Variants in TBC1D9 observed in about 807,000 individuals in gnomAD.
The protein encoded by TBC1D9 is TBC1 domain family member 9A.
In TBC1D9, 63 loss-of-function variants were observed where a neutral mutation model predicts 132.0. That is an observed-to-expected ratio of 0.48 (90% CI 0.39 to 0.59). TBC1D9 has a LOEUF of 0.59. TBC1D9 is among the 20% of genes least tolerant of loss of function. TBC1D9 has a pLI of 0.00. For synonymous variants in TBC1D9, 610 were observed against 609.9 expected (o/e 1.00, Z 0.00); for missense variants, 1,261 against 1,592.7 (o/e 0.79, Z 3.54).
intron 11 of TBC1D9, among the ~76,000 whole-genome samples, chr4:140,658,365 C>T (rs1204172936): frequency 1.3e-5 from 2 of 152,090 alleles, no homozygotes; most frequent in East Asian, 3.9e-4. Context: ...GCAACTATAA[C>T]ATAATGGTAA....
intron 15 of TBC1D9, among the ~76,000 whole-genome samples, chr4:140,638,516 AAAAAGAAAAAAG>A (rs1298012064): frequency 1.3e-5 from 2 of 151,750 alleles, no homozygotes; most frequent in Non-Finnish European, 2.9e-5. Context: ...AAAGAAAAAA[AAAAAGAAAAAAG>A]AAAAATATAA....
At chr4:140,733,833 A>C (rs1312150414) in intron 1 of TBC1D9, among the ~76,000 whole-genome samples, 4 of 152,192 alleles carry the variant, frequency 2.6e-5, no homozygotes, top group Admixed American at 1.3e-4. Flanking sequence ...ACCTAGATTC[A>C]AAAAAACAAA....
chr4:140,711,386 C>T (rs1738241559), intron 1 of TBC1D9, among the ~76,000 whole-genome samples: 2 of 152,294 alleles, frequency 1.3e-5, no homozygotes, highest in African/African-American at 4.8e-5. Flanking sequence ...TGAAGCCCAC[C>T]TCTGTTTCTA....
At chr4:140,686,621 CA>C (rs778375060) in intron 2 of TBC1D9, among the ~76,000 whole-genome samples, 159 bp from the exon 3 acceptor site, 18 of 152,134 alleles carry the variant, frequency 1.2e-4, no homozygotes, top group Non-Finnish European at 2.2e-4. Flanking sequence ...GACACACACA[CA>C]AGACATTTAA....
intron 1 of TBC1D9, among the ~76,000 whole-genome samples, chr4:140,749,801 A>G (rs1421825151): frequency 1.3e-5 from 2 of 152,212 alleles, no homozygotes; most frequent in African/African-American, 2.4e-5. Flanking sequence ...TAAAAATACT[A>G]ACCAAATAAA....
chr4:140,712,858 G>A (rs189788742), intron 1 of TBC1D9, among the ~76,000 whole-genome samples: 2 of 151,992 alleles, frequency 1.3e-5, no homozygotes, highest in East Asian at 1.9e-4. Context: ...ACTGAGGGTC[G>A]GGCTGCTATT....
intron 10 of TBC1D9, among the ~76,000 whole-genome samples, chr4:140,660,960 G>T (rs564027408): frequency 6.6e-6 from 1 of 151,946 alleles, no homozygotes; most frequent in East Asian, 1.9e-4. Flanking sequence ...TGTCGCCCAG[G>T]CTGGAGTGCA....
intron 1 of TBC1D9, among the ~76,000 whole-genome samples, chr4:140,709,407 G>T (rs552090534): frequency 6.6e-6 from 1 of 151,666 alleles, no homozygotes; most frequent in South Asian, 2.1e-4. Context: ...GCCAACTGGG[G>T]GACGGGGCTG....
At chr4:140,638,527 A>G (rs1366507593) in intron 15 of TBC1D9, among the ~76,000 whole-genome samples, 1 of 151,666 alleles carries the variant, frequency 6.6e-6, no homozygotes, top group Non-Finnish European at 1.5e-5. Flanking sequence ...AAAAGAAAAA[A>G]GAAAAATATA....
intron 13 of TBC1D9, among the ~76,000 whole-genome samples, chr4:140,641,248 A>AG (rs1184473871): frequency 6.6e-6 from 1 of 152,184 alleles, no homozygotes; most frequent in Non-Finnish European, 1.5e-5. Flanking sequence ...AAGGGGCACA[A>AG]GGGGCACTTC....
At chr4:140,693,451 C>T (rs550350505) in intron 2 of TBC1D9, among the ~76,000 whole-genome samples, 18 of 152,370 alleles carry the variant, frequency 1.2e-4, no homozygotes, top group African/African-American at 3.4e-4. Context: ...ATGCCACATA[C>T]TAACTCTGGG....
chr4:140,657,261 G>A, intron 12 of TBC1D9, 35 bp from the exon 13 acceptor site: 1 of 1,604,286 alleles, frequency 6.2e-7, no homozygotes, highest in Non-Finnish European at 8.5e-7. Context: ...CACAGGAGAA[G>A]AAACTGGAAT....
At chr4:140,721,689 T>C (rs374021462) in intron 1 of TBC1D9, among the ~76,000 whole-genome samples, 6 of 152,224 alleles carry the variant, frequency 3.9e-5, no homozygotes, top group East Asian at 1.9e-4. Flanking sequence ...TGATAATCTA[T>C]AACAATTTCA....
chr4:140,748,270 T>C (rs1738867285), intron 1 of TBC1D9, among the ~76,000 whole-genome samples: 1 of 152,198 alleles, frequency 6.6e-6, no homozygotes, highest in Non-Finnish European at 1.5e-5. Context: ...AGATTAAATA[T>C]AGTTAAGGAG....
At chr4:140,622,981 T>A in intron 20 of TBC1D9, 64 bp from the exon 21 acceptor site, 1 of 1,448,192 alleles carries the variant, frequency 6.9e-7, no homozygotes, top group South Asian at 1.5e-5. Context: ...AGCACTGAAG[T>A]GGACTGTAAA....
intron 13 of TBC1D9, among the ~76,000 whole-genome samples, 174 bp downstream of exon 13, chr4:140,656,923 C>T (rs957038698): frequency 1.3e-5 from 2 of 152,212 alleles, no homozygotes; most frequent in African/African-American, 4.8e-5. Flanking sequence ...AGCAGAAAGG[C>T]CAGGACCTAA....
intron 11 of TBC1D9, 31 bp from the exon 12 acceptor site, chr4:140,657,843 G>C: frequency 6.3e-7 from 1 of 1,588,892 alleles, no homozygotes; most frequent in Non-Finnish European, 8.6e-7. Context: ...AAAAGGCGCA[G>C]CTTAGCCAAC....
intron 7 of TBC1D9, 55 bp downstream of exon 7, chr4:140,670,665 A>G: frequency 1.3e-6 from 2 of 1,484,076 alleles, no homozygotes; most frequent in Non-Finnish European, 9.4e-7. Flanking sequence ...AACTGAACAC[A>G]CTTGGGCACA....
chr4:140,687,645 A>G (rs1178434260), intron 2 of TBC1D9, among the ~76,000 whole-genome samples: 1 of 151,994 alleles, frequency 6.6e-6, no homozygotes, highest in East Asian at 1.9e-4. Context: ...AATCGCTGAG[A>G]GAATGAGAGA....
Sources: gnomAD v4.1 joint callset for allele counts (sites outside exome capture counted in the v4.1 genomes callset) on GRCh38, gnomAD v4.1.1 for gene constraint, MANE v1.5 for transcripts, NCBI Gene and HGNC (gene_info 2026-07-23, HGNC 2026-07-21) for gene names.